Variants in CNTNAP5 observed in about 807,000 individuals in gnomAD.
CNTNAP5 encodes contactin-associated protein-like 5.
CNTNAP5 carries 72 observed loss-of-function variants against 150.2 expected under a neutral mutation model. The ratio of observed to expected loss-of-function variants is 0.48; its 90% CI spans 0.40 to 0.58. The LOEUF (loss-of-function observed/expected upper bound fraction) is 0.58, where lower values mean the gene tolerates loss of function less well. CNTNAP5 is among the 20% of genes least tolerant of loss of function. The probability of loss-of-function intolerance (pLI) is 0.00; values close to 1 mark genes in which losing one functional copy is unlikely to be tolerated. For synonymous variants in CNTNAP5, 672 were observed against 619.8 expected, an observed-to-expected ratio of 1.08 and a Z score of -1.25; for missense variants, 1,636 against 1,626.2, an observed-to-expected ratio of 1.01 and a Z score of -0.10.
chr2:124,587,671 G>T (rs535001877), intron 11 of CNTNAP5, among the ~76,000 whole-genome samples: 4 of 152,256 alleles, frequency 2.6e-5, no homozygotes, highest in African/African-American at 7.2e-5. Flanking sequence ...TTCCAGAAAG[G>T]TCTCTCAGAA....
chr2:124,370,497 A>C (rs1690497768), intron 3 of CNTNAP5, among the ~76,000 whole-genome samples: 1 of 152,144 alleles, frequency 6.6e-6, no homozygotes, highest in South Asian at 2.1e-4. Flanking sequence ...GATGGAAGAA[A>C]CAGCTCTGGA....
intron 3 of CNTNAP5, among the ~76,000 whole-genome samples, chr2:124,270,525 T>C (rs933653606): frequency 1.3e-5 from 2 of 152,148 alleles, no homozygotes; most frequent in African/African-American, 2.4e-5. Flanking sequence ...CTTCATTTCA[T>C]GCATGTTTGG....
chr2:124,672,490 A>T (rs1267805468), intron 13 of CNTNAP5, among the ~76,000 whole-genome samples: 2 of 152,220 alleles, frequency 1.3e-5, no homozygotes, highest in African/African-American at 4.8e-5. Context: ...TAAATCCATC[A>T]TTGAGGTTGG....
At chr2:124,782,600 T>A (rs1328837369) in intron 17 of CNTNAP5, among the ~76,000 whole-genome samples, 1 of 152,160 alleles carries the variant, frequency 6.6e-6, no homozygotes, top group Non-Finnish European at 1.5e-5. Flanking sequence ...GCTCACATTT[T>A]TTTTTCATCT....
chr2:124,209,720 T>G (rs1206742786), intron 1 of CNTNAP5, among the ~76,000 whole-genome samples: 2 of 152,112 alleles, frequency 1.3e-5, no homozygotes, highest in Non-Finnish European at 2.9e-5. Flanking sequence ...CTCAAAGAGC[T>G]CAAGGACCTG....
At chr2:124,762,154 A>G (rs1313177213) in intron 14 of CNTNAP5, among the ~76,000 whole-genome samples, 1 of 152,126 alleles carries the variant, frequency 6.6e-6, no homozygotes, top group Non-Finnish European at 1.5e-5. Flanking sequence ...ACATTCATAG[A>G]TGTACTTTCA....
intron 10 of CNTNAP5, among the ~76,000 whole-genome samples, chr2:124,543,710 A>C (rs1438338343): frequency 6.6e-6 from 1 of 152,172 alleles, no homozygotes; most frequent in Non-Finnish European, 1.5e-5. Flanking sequence ...AGTGCCTGGC[A>C]GAAACTTAAA....
intron 7 of CNTNAP5, among the ~76,000 whole-genome samples, chr2:124,493,943 G>A (rs2104852865): frequency 7.6e-6 from 1 of 132,294 alleles, no homozygotes; most frequent in Non-Finnish European, 1.6e-5. Context: ...AAAGTAGTTT[G>A]GAGACAAAAG....
intron 13 of CNTNAP5, among the ~76,000 whole-genome samples, chr2:124,707,384 A>G (rs17321250): frequency 0.16 from 24,713 of 152,086 alleles, 2,282 homozygotes; most frequent in East Asian, 0.24. Context: ...TATTTGTGCA[A>G]CTGGCATTTT....
intron 6 of CNTNAP5, among the ~76,000 whole-genome samples, chr2:124,461,850 G>C (rs1693262814): frequency 1.9e-5 from 2 of 107,518 alleles, no homozygotes; most frequent in African/African-American, 7.2e-5. Flanking sequence ...GACAGGGTGA[G>C]ATTCCACCTC....
chr2:124,505,815 G>T (rs1307949714), intron 8 of CNTNAP5, among the ~76,000 whole-genome samples: 2 of 152,108 alleles, frequency 1.3e-5, no homozygotes, highest in Non-Finnish European at 2.9e-5. Flanking sequence ...GGCAGGGATT[G>T]GTCTGCAGCA....
At chr2:124,558,336 T>C (rs1189174074) in intron 10 of CNTNAP5, among the ~76,000 whole-genome samples, 2 of 152,090 alleles carry the variant, frequency 1.3e-5, no homozygotes, top group Non-Finnish European at 2.9e-5. Flanking sequence ...TTTAAGAACC[T>C]GGGTACTAGT....
At chr2:124,027,391 A>G (rs1238433709) in intron 1 of CNTNAP5, among the ~76,000 whole-genome samples, 1 of 152,228 alleles carries the variant, frequency 6.6e-6, no homozygotes, top group Non-Finnish European at 1.5e-5. Context: ...ACAGCTGCCT[A>G]TCTGAGAAGA....
intron 1 of CNTNAP5, among the ~76,000 whole-genome samples, chr2:124,163,335 G>T (rs1684729998): frequency 6.6e-6 from 1 of 152,136 alleles, no homozygotes; most frequent in Non-Finnish European, 1.5e-5. Context: ...TAGGGCTATA[G>T]AAATACCTAA....
intron 23 of CNTNAP5, 92 bp from the exon 24 acceptor site, chr2:124,914,000 C>A: frequency 1.1e-6 from 1 of 872,714 alleles, no homozygotes; most frequent in Non-Finnish European, 1.8e-6. Context: ...GCTTTCTCTC[C>A]TACGCATTCC....
chr2:124,139,454 C>G (rs74422989), intron 1 of CNTNAP5, among the ~76,000 whole-genome samples: 3 of 152,190 alleles, frequency 2.0e-5, no homozygotes, highest in East Asian at 3.9e-4. Context: ...GAGAGTAGTT[C>G]GCACCATGAT....
intron 16 of CNTNAP5, among the ~76,000 whole-genome samples, chr2:124,768,235 C>T (rs1681108187): frequency 6.6e-6 from 1 of 150,788 alleles, no homozygotes; most frequent in South Asian, 2.1e-4. Flanking sequence ...TGCTGAGCTG[C>T]TCAGGGGAAA....
intron 12 of CNTNAP5, among the ~76,000 whole-genome samples, chr2:124,634,602 G>T (rs1677933991): frequency 6.6e-6 from 1 of 152,026 alleles, no homozygotes; most frequent in Admixed American, 6.5e-5. Flanking sequence ...TTGACATCTG[G>T]GTTCAAGTGA....
intron 19 of CNTNAP5, among the ~76,000 whole-genome samples, chr2:124,808,665 A>G (rs1682134640): frequency 2.0e-5 from 3 of 152,152 alleles, no homozygotes; most frequent in Admixed American, 2.0e-4. Flanking sequence ...GACAAAGACA[A>G]CAGAAGGGAA....
Sources: allele counts gnomAD v4.1 joint callset (sites outside exome capture counted in the v4.1 genomes callset), GRCh38; gene constraint gnomAD v4.1.1; transcripts MANE v1.5; gene names NCBI Gene and HGNC (gene_info 2026-07-23, HGNC 2026-07-21).